EYA1: variants seen among roughly 807,000 people sequenced by gnomAD.
EYA1 encodes the protein EYA transcriptional coactivator and phosphatase 1.
Under a neutral mutation model 82.0 loss-of-function variants are expected in EYA1, and 16 were observed. The observed-to-expected ratio is 0.20, with a 90% CI of 0.13 to 0.30. EYA1 has a LOEUF of 0.30. Ranked by LOEUF, EYA1 falls within the 10% of genes least tolerant of loss-of-function variation. The pLI is 1.00. For missense variants in EYA1, 633 were observed against 730.7 expected (o/e 0.87, Z 1.54); for synonymous variants, 261 against 264.4 (o/e 0.99, Z 0.12).
At position 71,271,779 on chromosome 8, in the gene EYA1, A is replaced by G; in HGVS notation, c.945T>C (p.Pro315=). The change falls in exon 10 of 18, where the codon CCT becomes CCC. Residue 315 remains proline, a synonymous_variant. Transcript: ENST00000340726. ...GRGRRNNNPS[P]PPDSDLERVF... ...GTACCTCAAGATCAGAATCTGGGGG[A>G]GGTGAAGGATTATTGTTTCTTCGGC... The G allele has an allele frequency of 1.2e-6, 2 of 1,614,022 alleles. No homozygotes were observed. The highest frequency in any genetic ancestry group is 8.5e-7 in the Non-Finnish European group (1 of 1,179,992).
chr8:71,327,172 C>A (rs1452591833), intron 4 of EYA1, among the ~76,000 whole-genome samples: 2 of 152,206 alleles, frequency 1.3e-5, no homozygotes, highest in African/African-American at 4.8e-5. Context: ...TCCATGAGGG[C>A]AGAGACCCTG....
At chr8:71,358,494 A>G (rs563705598) in intron 1 of EYA1, among the ~76,000 whole-genome samples, 5 of 152,320 alleles carry the variant, frequency 3.3e-5, no homozygotes, top group African/African-American at 1.2e-4. Context: ...TGACTCTTTA[A>G]TCAAAATAAC....
intron 2 of EYA1, among the ~76,000 whole-genome samples, chr8:71,519,179 A>G (rs1232465488): frequency 6.6e-6 from 1 of 152,204 alleles, no homozygotes; most frequent in African/African-American, 2.4e-5. Context: ...TTGGAAGACA[A>G]AAAACATTTG....
At chr8:71,270,868 C>T (rs1471481037) in intron 10 of EYA1, among the ~76,000 whole-genome samples, 1 of 151,974 alleles carries the variant, frequency 6.6e-6, no homozygotes, top group Non-Finnish European at 1.5e-5. Context: ...TGCCTGTAAT[C>T]CAGCACTTTG....
intron 3 of EYA1, among the ~76,000 whole-genome samples, chr8:71,354,506 G>C (rs1826643361): frequency 6.6e-6 from 1 of 152,072 alleles, no homozygotes; most frequent in East Asian, 1.9e-4. Context: ...CACACTCAAA[G>C]GTTAAAAATG....
chr8:71,489,952 T>C (rs1810874045), intron 2 of EYA1, among the ~76,000 whole-genome samples: 1 of 152,156 alleles, frequency 6.6e-6, no homozygotes, highest in South Asian at 2.1e-4. Flanking sequence ...CCCTGCAGGA[T>C]CCAGGCCTTT....
intron 4 of EYA1, chr8:71,322,500 A>C: frequency 1.9e-6 from 1 of 535,230 alleles, no homozygotes; most frequent in East Asian, 3.3e-5. Flanking sequence ...ATGAACTCTT[A>C]GAAAACGTCA....
At chr8:71,217,703 GTTA>G (rs1344496367) in intron 12 of EYA1, among the ~76,000 whole-genome samples, 3 of 152,028 alleles carry the variant, frequency 2.0e-5, no homozygotes, top group Middle Eastern at 3.2e-3. Flanking sequence ...CATTTTTTGT[GTTA>G]TTTTTAGCTG....
intron 2 of EYA1, among the ~76,000 whole-genome samples, chr8:71,531,737 C>T (rs1301372703): frequency 3.3e-5 from 5 of 152,152 alleles, no homozygotes; most frequent in African/African-American, 1.2e-4. Context: ...GAACTGTGCT[C>T]ATCCAGATGG....
chr8:71,362,181 G>A (rs886063099), upstream of EYA1: 6 of 435,650 alleles, frequency 1.4e-5, no homozygotes, highest in Admixed American at 3.9e-4. Flanking sequence ...TTTTTTTTTT[G>A]GTTTTTGCAA....
chr8:71,498,962 T>G (rs774148361), intron 2 of EYA1, among the ~76,000 whole-genome samples: 1 of 152,110 alleles, frequency 6.6e-6, no homozygotes, highest in Non-Finnish European at 1.5e-5. Flanking sequence ...AGAAACTAGG[T>G]GCTTGTTCAA....
chr8:71,278,727 C>T (rs1419661089), intron 9 of EYA1, among the ~76,000 whole-genome samples: 1 of 152,150 alleles, frequency 6.6e-6, no homozygotes. Context: ...AGTCTTGCTG[C>T]ACGACATGAA....
chr8:71,493,762 G>A (rs538104158), intron 2 of EYA1, among the ~76,000 whole-genome samples: 22 of 151,322 alleles, frequency 1.5e-4, no homozygotes, highest in African/African-American at 4.8e-4. Flanking sequence ...GGTGGCTCAC[G>A]CCTGTAATCC....
chr8:71,246,168 TA>T (rs1227631318), intron 11 of EYA1, among the ~76,000 whole-genome samples: 4 of 152,236 alleles, frequency 2.6e-5, no homozygotes, highest in African/African-American at 9.6e-5. Flanking sequence ...GGCATTCTAT[TA>T]ATAATACCAA....
chr8:71,381,726 T>G (rs1231506000), intron 2 of EYA1, among the ~76,000 whole-genome samples: 1 of 152,212 alleles, frequency 6.6e-6, no homozygotes, highest in Non-Finnish European at 1.5e-5. Flanking sequence ...AATCTTCCCC[T>G]CTTTCTTGTC....
At chr8:71,205,505 C>T (rs1807649650) in intron 17 of EYA1, among the ~76,000 whole-genome samples, 1 of 152,170 alleles carries the variant, frequency 6.6e-6, no homozygotes, top group African/African-American at 2.4e-5. Flanking sequence ...CACAATCTTT[C>T]TAAGAACAAA....
intron 2 of EYA1, among the ~76,000 whole-genome samples, chr8:71,518,507 C>T (rs551959043): frequency 6.6e-5 from 10 of 152,222 alleles, no homozygotes; most frequent in African/African-American, 2.4e-4. Flanking sequence ...CCATTACCTC[C>T]CATGAAAGCC....
chr8:71,320,656 C>T (rs1055666598), intron 6 of EYA1, among the ~76,000 whole-genome samples: 8 of 151,766 alleles, frequency 5.3e-5, no homozygotes, highest in Admixed American at 2.0e-4. Context: ...ATGCTGAAGT[C>T]GTACATAATT....
At chr8:71,315,261 T>A (rs559660404) in intron 7 of EYA1, among the ~76,000 whole-genome samples, 4 of 152,358 alleles carry the variant, frequency 2.6e-5, no homozygotes, top group Admixed American at 6.5e-5. Flanking sequence ...TTTGATTCAA[T>A]AAACATAAAA....
Sources: allele counts gnomAD v4.1 joint callset (sites outside exome capture counted in the v4.1 genomes callset), GRCh38; gene constraint gnomAD v4.1.1; transcripts MANE v1.5; gene names NCBI Gene and HGNC (gene_info 2026-07-23, HGNC 2026-07-21).